The following INPP4B variants were observed in gnomAD, a reference collection of about 807,000 sequenced individuals.
INPP4B encodes the protein inositol polyphosphate-4-phosphatase type II B, also known as inositol polyphosphate 4-phosphatase type II.
A neutral mutation model predicts 122.5 loss-of-function variants in INPP4B; 55 were observed. That is an observed-to-expected ratio of 0.45 (90% CI 0.36 to 0.56). INPP4B has a LOEUF of 0.56. INPP4B is among the 20% of genes least tolerant of loss of function. The pLI, the probability that INPP4B is intolerant of heterozygous loss-of-function variation, is 0.00. For missense variants in INPP4B, 1,000 were observed against 1,097.7 expected, an observed-to-expected ratio of 0.91 and a Z score of 1.26; for synonymous variants, 403 against 388.7, an observed-to-expected ratio of 1.04 and a Z score of -0.43.
chr4:142,734,952 T>A (rs565406897), intron 1 of INPP4B, among the ~76,000 whole-genome samples: 3 of 152,146 alleles, frequency 2.0e-5, no homozygotes, highest in Non-Finnish European at 4.4e-5. Flanking sequence ...GCCGATTTTT[T>A]AAATAATTCC....
intron 7 of INPP4B, among the ~76,000 whole-genome samples, chr4:142,333,765 AC>A (rs2151579113): frequency 6.6e-6 from 1 of 152,302 alleles, no homozygotes; most frequent in African/African-American, 2.4e-5. Flanking sequence ...AAAATTAAAT[AC>A]AGTTACTGTG....
At chr4:142,230,052 C>A (rs1158614933) in intron 12 of INPP4B, among the ~76,000 whole-genome samples, 1 of 152,082 alleles carries the variant, frequency 6.6e-6, no homozygotes. Flanking sequence ...TGTAAGGGTT[C>A]GTGTATTCAT....
chr4:142,390,846 T>C (rs982691853), intron 7 of INPP4B, among the ~76,000 whole-genome samples: 2 of 152,208 alleles, frequency 1.3e-5, no homozygotes, highest in African/African-American at 2.4e-5. Flanking sequence ...TGCATAATGC[T>C]GATGCAGTTT....
intron 2 of INPP4B, among the ~76,000 whole-genome samples, chr4:142,648,453 G>A (rs1315402450): frequency 6.6e-6 from 1 of 152,142 alleles, no homozygotes; most frequent in East Asian, 1.9e-4. Flanking sequence ...GGAAAAACAG[G>A]ACACTCCTGT....
intron 2 of INPP4B, among the ~76,000 whole-genome samples, chr4:142,508,259 C>G (rs1267934019): frequency 6.6e-6 from 1 of 152,086 alleles, no homozygotes; most frequent in East Asian, 1.9e-4. Flanking sequence ...ACTAGCTAGT[C>G]CAGTGTTTAA....
intron 2 of INPP4B, among the ~76,000 whole-genome samples, chr4:142,663,077 T>C (rs954430299): frequency 3.3e-5 from 5 of 152,092 alleles, no homozygotes; most frequent in African/African-American, 1.2e-4. Flanking sequence ...AAAAACTTAA[T>C]TTACCAACTG....
chr4:142,722,037 T>C (rs139324170), intron 2 of INPP4B, among the ~76,000 whole-genome samples: 9 of 152,166 alleles, frequency 5.9e-5, no homozygotes, highest in African/African-American at 2.2e-4. Flanking sequence ...AAGATCTTTT[T>C]TACAATTATA....
In INPP4B at chr4:142,502,035, A is replaced by C. The variant is rs1033760184; in HGVS notation, c.-190-39309T>G. Among the ~76,000 whole-genome samples the C allele has an allele frequency of 2.0e-5, 3 of 152,176 alleles. No homozygotes were observed. The East Asian group carries it at 5.8e-4, about 29-fold the overall frequency. ...GTAAGTAAGTGATTTGATAAGCAAG[A>C]AGGTAAAATAACAGTTAAAAACAGT... On this transcript the variant is annotated intron_variant, in intron 2 of 25. Coordinates refer to ENST00000262992, the MANE Select transcript of INPP4B (RefSeq NM_001101669.3).
At chr4:142,647,430 G>A (rs1752017638) in intron 2 of INPP4B, among the ~76,000 whole-genome samples, 1 of 152,144 alleles carries the variant, frequency 6.6e-6, no homozygotes, top group South Asian at 2.1e-4. Flanking sequence ...AAGATAGAGG[G>A]CATGAAGGAA....
chr4:142,355,553 A>G (rs1783312802), intron 7 of INPP4B, among the ~76,000 whole-genome samples: 1 of 152,082 alleles, frequency 6.6e-6, no homozygotes. Flanking sequence ...AGAAAAAAGT[A>G]GGCACAGGCA....
intron 2 of INPP4B, among the ~76,000 whole-genome samples, chr4:142,617,796 G>A (rs1744041487): frequency 6.6e-6 from 1 of 152,056 alleles, no homozygotes; most frequent in African/African-American, 2.4e-5. Flanking sequence ...TAGAGGATAC[G>A]CTTAGCATCT....
intron 2 of INPP4B, among the ~76,000 whole-genome samples, chr4:142,465,035 A>T (rs1158972305): frequency 6.6e-6 from 1 of 152,220 alleles, no homozygotes; most frequent in African/African-American, 2.4e-5. Context: ...ACAAAGGCCA[A>T]CATAGTCTCA....
At chr4:142,439,178 C>G (rs1811181147) in intron 3 of INPP4B, among the ~76,000 whole-genome samples, 1 of 152,142 alleles carries the variant, frequency 6.6e-6, no homozygotes, top group African/African-American at 2.4e-5. Context: ...ATAGTCAGGC[C>G]ATTTCTGCCT....
At chr4:142,413,056 T>A (rs967292052) in intron 5 of INPP4B, among the ~76,000 whole-genome samples, 2 of 152,158 alleles carry the variant, frequency 1.3e-5, no homozygotes, top group African/African-American at 4.8e-5. Flanking sequence ...GAGATTTTAA[T>A]TGGCACGCAC....
chr4:142,089,904 G>T (rs1778689735), intron 23 of INPP4B, among the ~76,000 whole-genome samples: 1 of 152,124 alleles, frequency 6.6e-6, no homozygotes, highest in Admixed American at 6.6e-5. Flanking sequence ...TTTTCACAAA[G>T]TTCATAGTCA....
intron 2 of INPP4B, among the ~76,000 whole-genome samples, chr4:142,533,219 A>G (rs1827824536): frequency 1.3e-5 from 2 of 152,168 alleles, no homozygotes; most frequent in South Asian, 4.1e-4. Flanking sequence ...AGTTGTATGC[A>G]TTATACAAAA....
At chr4:142,032,529 A>G (rs1740937025) in intron 25 of INPP4B, among the ~76,000 whole-genome samples, 2 of 152,232 alleles carry the variant, frequency 1.3e-5, no homozygotes, top group African/African-American at 4.8e-5. Context: ...TGAGAACTTC[A>G]ATATTGCCAA....
chr4:142,598,601 G>A (rs1227708631), intron 2 of INPP4B, among the ~76,000 whole-genome samples: 1 of 152,114 alleles, frequency 6.6e-6, no homozygotes, highest in South Asian at 2.1e-4. Context: ...TATTCCTCAT[G>A]GAAATGACAG....
At chr4:142,207,802 A>G (rs79733875) in intron 14 of INPP4B, among the ~76,000 whole-genome samples, 14,757 of 152,184 alleles carry the variant, frequency 0.097, 800 homozygotes, top group Middle Eastern at 0.14. Context: ...ATTGGAAAAC[A>G]CTTTTTTGAT....
Sources: gnomAD v4.1 joint callset for allele counts (sites outside exome capture counted in the v4.1 genomes callset) on GRCh38, gnomAD v4.1.1 for gene constraint, MANE v1.5 for transcripts, NCBI Gene and HGNC (gene_info 2026-07-23, HGNC 2026-07-21) for gene names.